The following UPRT variants were observed in gnomAD, a reference collection of about 807,000 sequenced individuals.
The protein encoded by UPRT is RP11-311P8.3.
Under a neutral mutation model 22.6 loss-of-function variants are expected in UPRT, and 5 were observed. That is an observed-to-expected ratio of 0.22 (90% CI 0.12 to 0.47). The LOEUF (loss-of-function observed/expected upper bound fraction) is 0.47, where lower values mean the gene tolerates loss of function less well. Among genes scored for constraint, UPRT ranks in the 20% least tolerant of loss-of-function variants. UPRT has a pLI of 0.99. For missense variants in UPRT, 181 were observed against 239.9 expected (o/e 0.75, Z 1.62); for synonymous variants, 77 against 87.7 (o/e 0.88, Z 0.68).
upstream of UPRT, among the ~76,000 whole-genome samples, chrX:75,272,277 T>C (rs953256726): frequency 1.6e-4 from 14 of 86,016 alleles, no homozygotes; most frequent in Non-Finnish European, 4.5e-5. Flanking sequence ...GTGAGATATA[T>C]ATATATATAC....
intron 4 of UPRT, among the ~76,000 whole-genome samples, chrX:75,251,753 A>T (rs1270896580): frequency 9.0e-6 from 1 of 111,664 alleles, no homozygotes; most frequent in African/African-American, 3.3e-5. Flanking sequence ...TGCATCACCA[A>T]GTCAATCCTA....
intron 4 of UPRT, among the ~76,000 whole-genome samples, chrX:75,228,831 A>G (rs1467684082): frequency 8.9e-6 from 1 of 112,315 alleles, no homozygotes; most frequent in African/African-American, 3.2e-5. Flanking sequence ...AAATGATTTT[A>G]AAATTTTGAA....
At chrX:75,236,624 G>A (rs917360020) in intron 4 of UPRT, among the ~76,000 whole-genome samples, 8 of 111,652 alleles carry the variant, frequency 7.2e-5, no homozygotes, top group Admixed American at 1.9e-4. Flanking sequence ...GAACAGAACC[G>A]AGCCCTCTGA....
intron 1 of UPRT, 188 bp downstream of exon 1, chrX:75,274,828 G>A: frequency 2.3e-6 from 1 of 443,280 alleles, no homozygotes; most frequent in Non-Finnish European, 3.5e-6. Flanking sequence ...CGTGTAACTC[G>A]AACGCCAACC....
intron 4 of UPRT, among the ~76,000 whole-genome samples, chrX:75,178,958 A>T: frequency 9.0e-6 from 1 of 111,600 alleles, no homozygotes; most frequent in Non-Finnish European, 1.9e-5. Context: ...CTGTTTTGAC[A>T]GGGCGCTGAT....
intron 4 of UPRT, among the ~76,000 whole-genome samples, chrX:75,206,841 T>A (rs937870661): frequency 9.0e-6 from 1 of 111,130 alleles, no homozygotes; most frequent in Non-Finnish European, 1.9e-5. Context: ...ATTTTTTGTA[T>A]TTTTAGTAGA....
intron 4 of UPRT, among the ~76,000 whole-genome samples, chrX:75,233,356 C>A (rs1448246189): frequency 1.8e-5 from 2 of 111,592 alleles, no homozygotes; most frequent in African/African-American, 3.3e-5. Flanking sequence ...AGTTGGAAAA[C>A]ACTCTGCAGG....
chrX:75,276,043 A>C (rs1160208697), intron 1 of UPRT, among the ~76,000 whole-genome samples: 1 of 111,620 alleles, frequency 9.0e-6, no homozygotes, highest in Non-Finnish European at 1.9e-5. Context: ...CCTTCTTCAT[A>C]GTTCCTAGGA....
chrX:75,247,431 A>G (rs1220499594), intron 4 of UPRT, among the ~76,000 whole-genome samples: 8 of 112,167 alleles, frequency 7.1e-5, no homozygotes, highest in African/African-American at 2.6e-4. Context: ...CCAAGACACT[A>G]TATCCCGCAC....
intron 4 of UPRT, among the ~76,000 whole-genome samples, chrX:75,239,612 C>T (rs998021698): frequency 3.6e-5 from 4 of 110,911 alleles, no homozygotes; most frequent in African/African-American, 1.3e-4. Context: ...AAGCCATGAT[C>T]ACCCTAATAC....
intron 4 of UPRT, among the ~76,000 whole-genome samples, chrX:75,183,563 G>A (rs907932780): frequency 8.9e-6 from 1 of 111,793 alleles, no homozygotes; most frequent in Non-Finnish European, 1.9e-5. Context: ...GGGTCAAATG[G>A]TATTTCTAGT....
chrX:75,238,218 C>G (rs1382585857), intron 4 of UPRT, among the ~76,000 whole-genome samples: 1 of 111,079 alleles, frequency 9.0e-6, no homozygotes, highest in Non-Finnish European at 1.9e-5. Flanking sequence ...AACCAAGTAC[C>G]TGCTGTCTTC....
intron 4 of UPRT, among the ~76,000 whole-genome samples, chrX:75,241,576 T>C (rs1166534946): frequency 1.8e-5 from 2 of 111,653 alleles, no homozygotes; most frequent in Non-Finnish European, 3.8e-5. Context: ...CTATTGGGTA[T>C]CTACCCAGAG....
intron 4 of UPRT, among the ~76,000 whole-genome samples, chrX:75,246,566 T>C (rs780520559): frequency 1.8e-5 from 2 of 111,028 alleles, no homozygotes; most frequent in African/African-American, 3.3e-5. Flanking sequence ...AATAAACATA[T>C]GTGTGCATGT....
intron 4 of UPRT, among the ~76,000 whole-genome samples, chrX:75,248,647 C>T (rs1385113328): frequency 8.9e-6 from 1 of 111,778 alleles, no homozygotes; most frequent in Non-Finnish European, 1.9e-5. Flanking sequence ...AGGATATTCT[C>T]CAGGAGAACT....
At chrX:75,226,227 C>G (rs2082423630) in intron 4 of UPRT, among the ~76,000 whole-genome samples, 1 of 111,395 alleles carries the variant, frequency 9.0e-6, no homozygotes, top group Non-Finnish European at 1.9e-5. Flanking sequence ...GCAGCCAGCT[C>G]AAGCCACTAT....
intron 4 of UPRT, among the ~76,000 whole-genome samples, chrX:75,206,371 A>G (rs1265562606): frequency 9.0e-6 from 1 of 110,887 alleles, no homozygotes; most frequent in Non-Finnish European, 1.9e-5. Context: ...AAAGGAGGTC[A>G]TTTGATAATT....
intron 4 of UPRT, among the ~76,000 whole-genome samples, chrX:75,265,006 C>T (rs1233616027): frequency 8.9e-6 from 1 of 111,757 alleles, no homozygotes; most frequent in Non-Finnish European, 1.9e-5. Context: ...TGAATATCGG[C>T]CCCCACTCTC....
intron 1 of UPRT, among the ~76,000 whole-genome samples, chrX:75,292,763 C>T (rs1246515917): frequency 9.0e-6 from 1 of 111,038 alleles, no homozygotes; most frequent in Non-Finnish European, 1.9e-5. Context: ...AGTTATTTAA[C>T]ATTCCCTTTT....
Sources: allele counts gnomAD v4.1 joint callset (sites outside exome capture counted in the v4.1 genomes callset), GRCh38; gene constraint gnomAD v4.1.1; transcripts MANE v1.5; gene names NCBI Gene and HGNC (gene_info 2026-07-23, HGNC 2026-07-21).